The following NPTN variants were observed in gnomAD, a reference collection of about 807,000 sequenced individuals.
The protein encoded by NPTN is neuroplastin.
NPTN carries 5 observed loss-of-function variants against 42.7 expected under a neutral mutation model. The observed-to-expected ratio is 0.12, with a 90% CI of 0.06 to 0.25. The LOEUF (loss-of-function observed/expected upper bound fraction) is 0.25, where lower values mean the gene tolerates loss of function less well. Ranked by LOEUF, NPTN falls within the 10% of genes least tolerant of loss-of-function variation. The pLI is 1.00. For missense variants in NPTN, 307 were observed against 525.4 expected, an observed-to-expected ratio of 0.58 and a Z score of 4.06; for synonymous variants, 180 against 201.9, an observed-to-expected ratio of 0.89 and a Z score of 0.92.
At chr15:73,601,241 C>T (rs1595940509) in intron 1 of NPTN, among the ~76,000 whole-genome samples, 1 of 152,032 alleles carries the variant, frequency 6.6e-6, no homozygotes, top group East Asian at 1.9e-4. Context: ...ACTGTGCTGC[C>T]TCTAAACAAA....
At chr15:73,566,953 A>T in intron 6 of NPTN, 1 of 905,410 alleles carries the variant, frequency 1.1e-6, no homozygotes, top group Non-Finnish European at 1.3e-6. Context: ...GTTTTCATGT[A>T]GGAAATGGTC....
intron 6 of NPTN, chr15:73,568,428 T>C (rs1895164252): frequency 1.0e-6 from 1 of 985,414 alleles, no homozygotes; most frequent in Non-Finnish European, 1.2e-6. Flanking sequence ...AAAAGCATTC[T>C]GGGGGGATAA....
Position 73,563,631 on chromosome 15 carries a change from CTGTT to C in NPTN, c.1115-378_1115-375del, listed in dbSNP as rs1288393079. On this transcript the variant is annotated intron_variant, in intron 6 of 8. Transcript: ENST00000345330. ...CCAACATTTCAGTTGTAAAATCCTG[CTGTT>C]TGTTTTCTTGTGGTGAATGCATGCA... 2.8e-5 allele frequency: 28 copies of C among 1,017,866 alleles called. No individual in the cohort carries two copies. The South Asian group carries it at 6.7e-4, about 24-fold the overall frequency. The allele number at this position is 1,017,866 out of a possible 1,614,324, so 63.1% of individuals were successfully genotyped here.
At chr15:73,619,062 C>CA (rs61683372) in intron 1 of NPTN, among the ~76,000 whole-genome samples, 4,954 of 60,914 alleles carry the variant, frequency 0.081, 160 homozygotes, top group African/African-American at 0.14. Flanking sequence ...GACCCTGTCT[C>CA]AAAAAAAAAA....
chr15:73,633,330 A>C lies in NPTN; in HGVS notation c.-115T>G. On this transcript the variant is annotated 5_prime_UTR_variant, in exon 1 of 9. Transcript: ENST00000345330. The stretch of plus-strand genomic sequence containing the variant: ...GCGCGAGGGAGTGAGCGAGGGAGGC[A>C]GCCGCGGCTCGGCTCCGTCCTTCCC... 1.3e-6 allele frequency: 1 copy of C among 771,228 alleles called. No individual in the cohort carries two copies. Among genetic ancestry groups the C allele is most frequent in the Non-Finnish European group, 1.9e-6 (1 of 522,632 alleles). The allele number at this position is 771,228 out of a possible 1,614,324, so 47.8% of individuals were successfully genotyped here. A position where few individuals can be genotyped will look rare whatever the true frequency, so the allele number is the denominator to read the frequency against.
intron 1 of NPTN, among the ~76,000 whole-genome samples, chr15:73,621,914 A>G (rs575664228): frequency 1.4e-4 from 22 of 152,284 alleles, no homozygotes; most frequent in African/African-American, 5.1e-4. Flanking sequence ...GCCTTAGCCC[A>G]TAACAAAAGG....
intron 6 of NPTN, chr15:73,567,795 C>T: frequency 1.0e-6 from 1 of 984,910 alleles, no homozygotes; most frequent in Non-Finnish European, 1.2e-6. Context: ...CCCACACTGG[C>T]TGTCAGGAAG....
chr15:73,580,646 A>G (rs529795647), intron 4 of NPTN, among the ~76,000 whole-genome samples: 1 of 147,712 alleles, frequency 6.8e-6, no homozygotes, highest in South Asian at 2.1e-4. Context: ...TACATGTTAT[A>G]TATGTATATA....
intron 3 of NPTN, among the ~76,000 whole-genome samples, chr15:73,590,697 G>C (rs1057423197): frequency 1.3e-5 from 2 of 151,952 alleles, no homozygotes; most frequent in African/African-American, 4.8e-5. Context: ...GGGAGGCAGA[G>C]GCTGCAGTGA....
chr15:73,618,708 G>A (rs751433363), intron 1 of NPTN, among the ~76,000 whole-genome samples: 3 of 152,010 alleles, frequency 2.0e-5, no homozygotes, highest in Non-Finnish European at 4.4e-5. Context: ...ATGGTGGCAC[G>A]CACCTGTGGT....
In NPTN at chr15:73,597,335, C is replaced by T; in HGVS notation, c.126G>A (p.Lys42=). 1 of 1,613,144 alleles carries T rather than the reference C, an allele frequency of 6.2e-7. No homozygotes were observed. Among genetic ancestry groups the T allele is most frequent in the Non-Finnish European group, 8.5e-7 (1 of 1,179,724 alleles). ...ACAGCTCAAAGGCGTCCCCCGTGAGCTTAGTTTCTGACATGGGCGACTTGA... is the reference window on the plus strand; with the variant it reads ...ACAGCTCAAAGGCGTCCCCCGTGAGTTTAGTTTCTGACATGGGCGACTTGA... ...GFVKSPMSET[K]LTGDAFELYC... The change falls in exon 2 of 9, where the codon AAG becomes AAA. Residue 42 remains lysine, a synonymous_variant. Transcript: ENST00000345330. The surrounding 1 kb of genome is among the most constrained non-coding windows in gnomAD (Gnocchi z 6.3).
At chr15:73,586,510 A>T (rs1024783355) in intron 4 of NPTN, among the ~76,000 whole-genome samples, 3 of 152,228 alleles carry the variant, frequency 2.0e-5, no homozygotes, top group Admixed American at 2.0e-4. Flanking sequence ...CTGTGTCACC[A>T]AGACATTACT....
At chr15:73,609,970 A>AT (rs1444046304) in intron 1 of NPTN, among the ~76,000 whole-genome samples, 3 of 152,120 alleles carry the variant, frequency 2.0e-5, no homozygotes, top group African/African-American at 4.8e-5. Context: ...TACTTCTAGT[A>AT]TTTTCTAGCT....
intron 4 of NPTN, among the ~76,000 whole-genome samples, chr15:73,585,703 A>T (rs1896285037): frequency 6.6e-6 from 1 of 152,246 alleles, no homozygotes; most frequent in Non-Finnish European, 1.5e-5. Flanking sequence ...GGTCCAGAAT[A>T]TGGTTTAAGA....
At chr15:73,604,554 T>C (rs1897210668) in intron 1 of NPTN, among the ~76,000 whole-genome samples, 1 of 152,292 alleles carries the variant, frequency 6.6e-6, no homozygotes, top group Admixed American at 6.5e-5. Context: ...TGAGTCTAGA[T>C]TGTACTACTG....
rs918995137 is a variant in NPTN at position 73,568,219 on chromosome 15, C to T, written c.1114+1931G>A. The T allele has an allele frequency of 1.2e-5, 12 of 985,374 alleles. No individual in the cohort carries two copies. In the South Asian group the frequency reaches 1.9e-4, roughly 15 times the overall value. 61.0% of individuals were successfully genotyped at this position (985,374 alleles called of 1,614,324 possible). On this transcript the variant is annotated intron_variant, in intron 6 of 8. Coordinates refer to ENST00000345330, the MANE Select transcript of NPTN (RefSeq NM_012428.4). Reference sequence around the variant, plus strand: ...TGCACTGTGATAGCAACCTCATAAGCGCGGTGACTTCTTAGGGCAAAGACT... The same window carrying T: ...TGCACTGTGATAGCAACCTCATAAGTGCGGTGACTTCTTAGGGCAAAGACT...
intron 1 of NPTN, among the ~76,000 whole-genome samples, chr15:73,601,680 AC>A (rs1454480474): frequency 4.6e-5 from 7 of 152,124 alleles, no homozygotes; most frequent in Non-Finnish European, 8.8e-5. Context: ...ACAACCTCCT[AC>A]CCCACCCTCT....
At position 73,597,696 on chromosome 15, in the gene NPTN, T is replaced by A. The variant is rs1021536792; in HGVS notation, c.92-327A>T. Among the ~76,000 whole-genome samples the A allele has an allele frequency of 6.6e-6, 1 of 152,138 alleles. No homozygotes were observed. Among genetic ancestry groups the A allele is most frequent in the South Asian group, 2.1e-4 (1 of 4,826 alleles). The stretch of plus-strand genomic sequence containing the variant: ...CTGGTAGGAATGAGAAAGCCTCAGG[T>A]CTTGGGAAGAGCCTCTTTCCTTAGA... On this transcript the variant is annotated intron_variant, in intron 1 of 8. Transcript: ENST00000345330. The surrounding 1 kb of genome is among the most constrained non-coding windows in gnomAD (Gnocchi z 6.3).
chr15:73,595,099 T>G (rs1238861795), intron 2 of NPTN, among the ~76,000 whole-genome samples: 1 of 152,128 alleles, frequency 6.6e-6, no homozygotes, highest in African/African-American at 2.4e-5. Flanking sequence ...CAATTCTAAG[T>G]AAACTGGGGA....
Sources: allele counts gnomAD v4.1 joint callset (sites outside exome capture counted in the v4.1 genomes callset), GRCh38; gene constraint gnomAD v4.1.1; non-coding constraint Gnocchi (gnomAD v3.1); transcripts MANE v1.5; gene names NCBI Gene and HGNC (gene_info 2026-07-23, HGNC 2026-07-21).